PCAT7: variants seen among roughly 807,000 people sequenced by gnomAD.
PCAT7 encodes the protein prostate cancer associated transcript 7.
At chr9:94,559,204 G>A (rs1827056875) in intron 2 of PCAT7, 3 of 1,394,414 alleles carry the variant, frequency 2.2e-6, no homozygotes, top group Admixed American at 4.0e-5. Context: ...CCCTAAAGCT[G>A]GGGGAGGAGT....
chr9:94,571,786 T>C (rs1827272868), intron 2 of PCAT7, among the ~76,000 whole-genome samples: 1 of 152,350 alleles, frequency 6.6e-6, no homozygotes, highest in Non-Finnish European at 1.5e-5. Context: ...AGCTGAGCCA[T>C]GGCAAAGGCC....
At chr9:94,565,451 A>C (rs1827172239) in intron 2 of PCAT7, among the ~76,000 whole-genome samples, 1 of 150,734 alleles carries the variant, frequency 6.6e-6, no homozygotes, top group Non-Finnish European at 1.5e-5. Flanking sequence ...ACATTTTCTT[A>C]TATTTTTTGT....
chr9:94,560,812 G>A lies in PCAT7; in HGVS notation n.441+1660G>A, dbSNP rs541717662. 5.3e-5 allele frequency among the ~76,000 whole-genome samples: 8 copies of A among 149,860 alleles called. 1 individual carries two copies. The South Asian group carries it at 1.5e-3, about 28-fold the overall frequency. On this transcript the variant is annotated intron_variant and non_coding_transcript_variant, in intron 2 of 8. Coordinates refer to ENST00000647389, the Ensembl canonical transcript of PCAT7. Reference sequence around the variant, plus strand: ...GTATATATTATATATATTAAGGAGAGGAACATGATGCCTTTGGTCTAGGCT... The same window carrying A: ...GTATATATTATATATATTAAGGAGAAGAACATGATGCCTTTGGTCTAGGCT...
chr9:94,574,146 A>G (rs1419018996), intron 3 of PCAT7, among the ~76,000 whole-genome samples: 1 of 152,214 alleles, frequency 6.6e-6, no homozygotes, highest in Non-Finnish European at 1.5e-5. Context: ...GAGATTAACA[A>G]TCTACTGCAT....
chr9:94,567,691 CAGTG>C (rs1411211236), intron 2 of PCAT7: 10 of 353,766 alleles, frequency 2.8e-5, no homozygotes, highest in Admixed American at 2.4e-4. Context: ...CTTCCACTGT[CAGTG>C]AGGCTCCTCA....
At chr9:94,560,959 A>T (rs902978374) in intron 2 of PCAT7, among the ~76,000 whole-genome samples, 1 of 151,930 alleles carries the variant, frequency 6.6e-6, no homozygotes, top group Non-Finnish European at 1.5e-5. Flanking sequence ...GGTGTCCAGA[A>T]GGGTGTAAAA....
At chr9:94,561,068 C>T (rs1455018654) in intron 2 of PCAT7, among the ~76,000 whole-genome samples, 1 of 152,034 alleles carries the variant, frequency 6.6e-6, no homozygotes, top group African/African-American at 2.4e-5. Flanking sequence ...ACAGTCTAGC[C>T]AAGGAGACTC....
intron 2 of PCAT7, among the ~76,000 whole-genome samples, chr9:94,564,903 T>C: frequency 6.6e-6 from 1 of 152,158 alleles, no homozygotes; most frequent in East Asian, 1.9e-4. Context: ...AACAATAATA[T>C]ATGACATATT....
At chr9:94,561,947 ATAAT>A (rs1333512270) in intron 2 of PCAT7, among the ~76,000 whole-genome samples, 30 of 152,210 alleles carry the variant, frequency 2.0e-4, no homozygotes, top group Non-Finnish European at 1.3e-4. Flanking sequence ...GATCATTTGA[ATAAT>A]TAGTAATAAC....
At position 94,571,567 on chromosome 9, in the gene PCAT7, C is replaced by T. The variant is rs868722501; in HGVS notation, n.442-1412C>T. On this transcript the variant is annotated intron_variant and non_coding_transcript_variant, in intron 2 of 8. Transcript: ENST00000647389. ...CGGCCACAATATTGCGGCCACACTG[C>T]AGGGCATCCTTTTCAGAAGGCTCAT... 25 of 1,613,830 alleles carry T rather than the reference C, an allele frequency of 1.5e-5. No individual in the cohort carries two copies. In the Middle Eastern group the frequency reaches 2.8e-3, roughly 181 times the overall value.
intron 1 of PCAT7, among the ~76,000 whole-genome samples, chr9:94,558,514 C>G (rs1295232917): frequency 6.6e-6 from 1 of 152,080 alleles, no homozygotes; most frequent in South Asian, 2.1e-4. Context: ...AGGATGGTCT[C>G]GATCTCCTGA....
At chr9:94,556,891 G>A (rs537728335) in intron 1 of PCAT7, among the ~76,000 whole-genome samples, 192 of 152,258 alleles carry the variant, frequency 1.3e-3, no homozygotes, top group Middle Eastern at 3.4e-3. Flanking sequence ...ATGTATTCTT[G>A]TACATGTGGG....
At chr9:94,554,894 CG>C (rs1826982740), upstream of PCAT7, among the ~76,000 whole-genome samples, 1 of 152,148 alleles carries the variant, frequency 6.6e-6, no homozygotes, top group South Asian at 2.1e-4. Context: ...AGAAATGACG[CG>C]CCGCTGCCTC....
chr9:94,566,360 G>A (rs865802805), intron 2 of PCAT7, among the ~76,000 whole-genome samples: 1 of 152,328 alleles, frequency 6.6e-6, no homozygotes, highest in Middle Eastern at 3.4e-3. Context: ...GTGGAAAACC[G>A]CTTAAAGGCA....
intron 1 of PCAT7, chr9:94,558,852 A>G: frequency 1.6e-6 from 2 of 1,283,706 alleles, no homozygotes; most frequent in East Asian, 2.4e-5. Flanking sequence ...TTGTATACTC[A>G]TAGCTACCAT....
chr9:94,555,792 T>G (rs1432150842), intron 1 of PCAT7, among the ~76,000 whole-genome samples: 1 of 149,688 alleles, frequency 6.7e-6, no homozygotes, highest in East Asian at 2.0e-4. Context: ...AGTGTTTGGG[T>G]AGATGGAGGA....
At chr9:94,571,266 C>T (rs1564183274) in intron 2 of PCAT7, among the ~76,000 whole-genome samples, 1 of 152,284 alleles carries the variant, frequency 6.6e-6, no homozygotes, top group African/African-American at 2.4e-5. Flanking sequence ...CACTCCTCCC[C>T]CCGAGTGCCC....
chr9:94,567,135 CCAT>C (rs1827201022), intron 2 of PCAT7: 11 of 705,108 alleles, frequency 1.6e-5, no homozygotes, highest in South Asian at 1.3e-4. Flanking sequence ...AAGGCAGAGT[CCAT>C]CATCTTCATA....
At chr9:94,563,538 A>G in intron 2 of PCAT7, 3 of 1,531,546 alleles carry the variant, frequency 2.0e-6, no homozygotes, top group Non-Finnish European at 2.7e-6. Flanking sequence ...TCACAAGTCC[A>G]GTTGGTGTGA....
Sources: gnomAD v4.1 joint callset for allele counts (sites outside exome capture counted in the v4.1 genomes callset) on GRCh38, gnomAD v4.1.1 for gene constraint, MANE v1.5 for transcripts, NCBI Gene and HGNC (gene_info 2026-07-23, HGNC 2026-07-21) for gene names.